The following TNFSF14 variants were observed in gnomAD, a reference collection of about 807,000 sequenced individuals.
TNFSF14 encodes the protein tumor necrosis factor ligand superfamily member 14.
Under a neutral mutation model 22.7 loss-of-function variants are expected in TNFSF14, and 15 were observed. The ratio of observed to expected loss-of-function variants is 0.66; its 90% CI spans 0.44 to 1.02. TNFSF14 has a LOEUF of 1.02. Among genes scored for constraint, TNFSF14 ranks in the 50% least tolerant of loss-of-function variants. TNFSF14 has a pLI of 0.00. For missense variants in TNFSF14, 287 were observed against 326.2 expected (o/e 0.88, Z 0.93); for synonymous variants, 133 against 139.6 (o/e 0.95, Z 0.33).
chr19:6,667,369 G>A (rs1324801928), intron 2 of TNFSF14, 44 bp downstream of exon 2: 1 of 1,513,718 alleles, frequency 6.6e-7, no homozygotes, highest in Admixed American at 2.5e-5. Flanking sequence ...GGGTGGCATG[G>A]GAATCATCAC....
In TNFSF14 at chr19:6,664,701, G is replaced by A. The variant is rs185777842; in HGVS notation, c.*225C>T. 35 of 431,512 alleles carry A rather than the reference G, an allele frequency of 8.1e-5. No individual in the cohort carries two copies. Among genetic ancestry groups the A allele is most frequent in the African/African-American group, 3.9e-4 (20 of 50,664 alleles). 26.7% of individuals were successfully genotyped at this position (431,512 alleles called of 1,614,324 possible). ...ATTACAGGCAGGCACCACCACGTCC[G>A]GCTAATTTTTGTATTTTTAGTAGAG... is the stretch of plus-strand genomic sequence containing the variant. On this transcript the variant is annotated 3_prime_UTR_variant, in exon 4 of 4. Transcript: ENST00000675206. The surrounding 1 kb of genome is among the most constrained non-coding windows in gnomAD (Gnocchi z 4.7).
Position 6,665,205 on chromosome 19 carries a change from C to A in TNFSF14, c.444G>T (p.Gln148His). The A allele has an allele frequency of 6.2e-7, 1 of 1,614,198 alleles. No homozygotes were observed. The highest frequency in any genetic ancestry group is 8.5e-7 in the Non-Finnish European group (1 of 1,180,034). ...CCAGCGGGCAGCCCACACCGCCCAG[C>A]TGCACCTTGGAGTAGATGTAGTAGT... ...AGYYYIYSKVQLGGVGCPLGL... is the reference protein window; with the variant it reads ...AGYYYIYSKVHLGGVGCPLGL... The change falls in exon 4 of 4, where the codon CAG becomes CAT. Residue 148 changes from glutamine (Q) to histidine (H), a missense_variant. By Grantham distance (24) the Gln-to-His change is conservative. Coordinates refer to ENST00000675206, the MANE Select transcript of TNFSF14 (RefSeq NM_001376887.1).
chr19:6,665,792 T>C (rs924101712), intron 3 of TNFSF14, among the ~76,000 whole-genome samples: 6 of 148,412 alleles, frequency 4.0e-5, no homozygotes, highest in Admixed American at 2.7e-4. Context: ...TGCGTGTGTG[T>C]GTGTGTGTGT....
upstream of TNFSF14, chr19:6,670,407 G>A (rs1917574825): frequency 7.5e-6 from 4 of 534,122 alleles, no homozygotes; most frequent in South Asian, 5.2e-5. Flanking sequence ...ATCGACTGAG[G>A]ACTTTCTGCC....
At chr19:6,666,897 A>AAAATAAAT (rs3065920) in intron 3 of TNFSF14, among the ~76,000 whole-genome samples, 5,322 of 149,034 alleles carry the variant, frequency 0.036, 132 homozygotes, top group Non-Finnish European at 0.05. Flanking sequence ...GACTGTCTCA[A>AAAATAAAT]AAATAAATAA....
Position 6,669,097 on chromosome 19 carries a change from G to A in TNFSF14, c.219+754C>T, listed in dbSNP as rs575246231. ...CCCCAGGTGAGGCACACAGACAGGC[G>A]GACACATCCACAGCCAGCTGGAAGC... On this transcript the variant is annotated intron_variant, in intron 1 of 3. Coordinates refer to ENST00000675206, the MANE Select transcript of TNFSF14 (RefSeq NM_001376887.1). Among the ~76,000 whole-genome samples the A allele has an allele frequency of 2.5e-3, 384 of 152,292 alleles. 1 individual carries two copies. The highest frequency in any genetic ancestry group is 8.4e-3 in the African/African-American group (349 of 41,548).
chr19:6,667,191 G>T (rs768096815), intron 2 of TNFSF14, 37 bp from the exon 3 acceptor site: 1 of 1,533,900 alleles, frequency 6.5e-7, no homozygotes. Flanking sequence ...GACGAAGACA[G>T]TGGAGGTAAA....
chr19:6,667,183 CG>C (rs1917456508), intron 2 of TNFSF14, 29 bp from the exon 3 acceptor site: 1 of 1,551,964 alleles, frequency 6.4e-7, no homozygotes, highest in South Asian at 1.2e-5. Flanking sequence ...AGGTTAGAGA[CG>C]AAGACAGTGG....
rs1917272544 is a variant in TNFSF14 at position 6,662,537 on chromosome 19, C to G, written c.*2389G>C. ...TTTCCTTCATCTCTGTACTGTGCAA[C>G]AATGACAAGAATACTATTGGCGATA... On this transcript the variant is annotated 3_prime_UTR_variant, in exon 4 of 4. Coordinates refer to ENST00000675206, the MANE Select transcript of TNFSF14 (RefSeq NM_001376887.1). 6.6e-6 allele frequency: 1 copy of G among 152,134 alleles called. No homozygotes were observed. Among genetic ancestry groups the G allele is most frequent in the African/African-American group, 2.4e-5 (1 of 41,392 alleles). The allele number at this position is 152,134 out of a possible 1,614,324, so 9.4% of individuals were successfully genotyped here.
chr19:6,667,244 C>T, intron 2 of TNFSF14, 90 bp from the exon 3 acceptor site: 1 of 1,451,088 alleles, frequency 6.9e-7, no homozygotes, highest in Non-Finnish European at 9.2e-7. Flanking sequence ...CTCCTGGAAT[C>T]AACCCCACCC....
At position 6,664,060 on chromosome 19, in the gene TNFSF14, T is replaced by A. The variant is rs1189263946; in HGVS notation, c.*866A>T. The stretch of plus-strand genomic sequence containing the variant: ...ATGAGCACGCTGCCGTGCTCATGTA[T>A]CTGAGTGTAACTCTTTGTGACCAGG... On this transcript the variant is annotated 3_prime_UTR_variant, in exon 4 of 4. Coordinates refer to ENST00000675206, the MANE Select transcript of TNFSF14 (RefSeq NM_001376887.1). The surrounding 1 kb of genome is among the most constrained non-coding windows in gnomAD (Gnocchi z 4.7). The A allele has an allele frequency of 6.6e-6, 1 of 152,270 alleles. No homozygotes were observed. Among genetic ancestry groups the A allele is most frequent in the East Asian group, 1.9e-4 (1 of 5,190 alleles). The allele number at this position is 152,270 out of a possible 1,614,324, so 9.4% of individuals were successfully genotyped here.
chr19:6,664,637 T>A lies in TNFSF14; in HGVS notation c.*289A>T. 4.0e-6 allele frequency: 1 copy of A among 250,316 alleles called. No homozygotes were observed. The highest frequency in any genetic ancestry group is 7.8e-6 in the Non-Finnish European group (1 of 128,766). 15.5% of individuals were successfully genotyped at this position (250,316 alleles called of 1,614,324 possible). A position where few individuals can be genotyped will look rare whatever the true frequency, so the allele number is the denominator to read the frequency against. ...CACTGCAACCTCCGCCTCCCGGGTT[T>A]AAGCAAAATTATCCTGCCTCAGCCT... On this transcript the variant is annotated 3_prime_UTR_variant, in exon 4 of 4. Coordinates refer to ENST00000675206, the MANE Select transcript of TNFSF14 (RefSeq NM_001376887.1). The surrounding 1 kb of genome is among the most constrained non-coding windows in gnomAD (Gnocchi z 4.7).
chr19:6,667,035 T>G, intron 3 of TNFSF14, 78 bp downstream of exon 3: 8 of 1,508,488 alleles, frequency 5.3e-6, no homozygotes, highest in South Asian at 1.2e-5. Context: ...ATGAATACAC[T>G]GATATGTATG....
At chr19:6,666,103 C>G (rs1212313926) in intron 3 of TNFSF14, among the ~76,000 whole-genome samples, 1 of 152,036 alleles carries the variant, frequency 6.6e-6, no homozygotes, top group South Asian at 2.1e-4. Flanking sequence ...CCAAAAGTGT[C>G]AAAACTTGGC....
intron 1 of TNFSF14, among the ~76,000 whole-genome samples, chr19:6,668,597 T>C (rs1917496721): frequency 6.6e-6 from 1 of 151,944 alleles, no homozygotes. Context: ...TCCCAGCTAC[T>C]GCTCAGGAGG....
Position 6,664,966 on chromosome 19 carries a change from C to T in TNFSF14, c.683G>A (p.Arg228His), listed in dbSNP as rs377428053. The change falls in exon 4 of 4, where the codon CGT (arginine) becomes CAT (histidine). Residue 228 changes from arginine to histidine, a missense_variant. Arg to His is a conservative substitution (Grantham distance 29, BLOSUM62 0). Coordinates refer to ENST00000675206, the MANE Select transcript of TNFSF14 (RefSeq NM_001376887.1). The surrounding 1 kb of genome is among the most constrained non-coding windows in gnomAD (Gnocchi z 4.7). ...CCCGAAGTAAGACCGGGTACCATCA[C>T]GCAGTCGAACCAGGCGTTCATCCAG... Reference protein sequence around the residue: ...RVLDERLVRLRDGTRSYFGAF... With the variant: ...RVLDERLVRLHDGTRSYFGAF... 13 of 1,609,122 alleles carry T rather than the reference C, an allele frequency of 8.1e-6. No homozygotes were observed. The highest frequency in any genetic ancestry group is 1.1e-5 in the South Asian group (1 of 90,794).
rs566593929 is a variant in TNFSF14, at chr19:6,664,719, T to A, written c.*207A>T. The A allele has an allele frequency of 3.9e-6, 2 of 512,082 alleles. No homozygotes were observed. Among genetic ancestry groups the A allele is most frequent in the Non-Finnish European group, 6.8e-6 (2 of 294,330 alleles). 31.7% of individuals were successfully genotyped at this position (512,082 alleles called of 1,614,324 possible). On this transcript the variant is annotated 3_prime_UTR_variant, in exon 4 of 4. Coordinates refer to ENST00000675206, the MANE Select transcript of TNFSF14 (RefSeq NM_001376887.1). This position sits in a 1 kb window ranked among gnomAD's most constrained non-coding sequence, Gnocchi z 4.7. ...CACGTCCGGCTAATTTTTGTATTTT[T>A]AGTAGAGATGGGGTTTTGCCATGTT...
Position 6,667,114 on chromosome 19 carries a change from T to C in TNFSF14, c.297A>G (p.Thr99=). Residue 99 remains threonine, a splice_region_variant and synonymous_variant, in exon 3 of 4, where the codon ACA becomes ACG. Coordinates refer to ENST00000675206, the MANE Select transcript of TNFSF14 (RefSeq NM_001376887.1). ...GCCAGGATCCAGGGTCCCTCTCACC[T>C]GTGAGATGCGCTGCTGGGTTGACCT... ...SHEVNPAAHL[T]GANSSLTGSG... 1 of 1,607,086 alleles carries C rather than the reference T, an allele frequency of 6.2e-7. No individual in the cohort carries two copies. The highest frequency in any genetic ancestry group is 8.5e-7 in the Non-Finnish European group (1 of 1,177,648).
At position 6,669,873 on chromosome 19, in the gene TNFSF14, C is replaced by T; in HGVS notation, c.197G>A (p.Gly66Glu). ...CACAGGCAGGCGGGTGACCATCTCT[C>T]CTAGACGCCAGTGCAGCTGCAGGAG... The part of the protein sequence containing the change: ...WFLLQLHWRL[G>E]EMVTRLPDGP... The change falls in exon 1 of 4, where the codon GGA becomes GAA. Residue 66 changes from glycine to glutamate, a missense_variant. By Grantham distance (98) the Gly-to-Glu change is moderately conservative. Coordinates refer to ENST00000675206, the MANE Select transcript of TNFSF14 (RefSeq NM_001376887.1). The T allele has an allele frequency of 6.2e-7, 1 of 1,613,026 alleles. No individual in the cohort carries two copies. The highest frequency in any genetic ancestry group is 1.7e-5 in the Admixed American group (1 of 60,014).
Sources: gnomAD v4.1 joint callset for allele counts (sites outside exome capture counted in the v4.1 genomes callset) on GRCh38, gnomAD v4.1.1 for gene constraint, Gnocchi (gnomAD v3.1) non-coding constraint, MANE v1.5 for transcripts, NCBI Gene and HGNC (gene_info 2026-07-23, HGNC 2026-07-21) for gene names.